Variants in RTN1 observed in about 807,000 individuals in gnomAD.
The protein encoded by RTN1 is reticulon 1.
RTN1 carries 25 observed loss-of-function variants against 65.5 expected under a neutral mutation model. That is an observed-to-expected ratio of 0.38 (90% confidence interval 0.28 to 0.53). The LOEUF is 0.53. Among genes scored for constraint, RTN1 ranks in the 20% least tolerant of loss-of-function variants. The probability of loss-of-function intolerance (pLI) is 0.79; values close to 1 mark genes in which losing one functional copy is unlikely to be tolerated. For synonymous variants in RTN1, 471 were observed against 447.6 expected, an observed-to-expected ratio of 1.05 and a Z score of -0.66; for missense variants, 983 against 1,025.4, an observed-to-expected ratio of 0.96 and a Z score of 0.57.
At chr14:59,694,440 T>A (rs1387704023) in intron 3 of RTN1, among the ~76,000 whole-genome samples, 1 of 152,086 alleles carries the variant, frequency 6.6e-6, no homozygotes, top group Non-Finnish European at 1.5e-5. Context: ...TACACACACA[T>A]GGCACTTTTT....
chr14:59,649,050 C>A (rs1253492584), intron 3 of RTN1, among the ~76,000 whole-genome samples: 4 of 152,052 alleles, frequency 2.6e-5, no homozygotes, highest in Admixed American at 2.6e-4. Context: ...GTACTGGTAC[C>A]AAAACAGATA....
intron 3 of RTN1, among the ~76,000 whole-genome samples, chr14:59,716,997 A>C (rs1001996725): frequency 0.02 from 3,102 of 151,488 alleles, 108 homozygotes; most frequent in African/African-American, 0.069. Context: ...AAAAAAAAAA[A>C]AAAAAAGAAG....
At chr14:59,866,420 A>T (rs1031603901) in intron 1 of RTN1, among the ~76,000 whole-genome samples, 3 of 152,188 alleles carry the variant, frequency 2.0e-5, no homozygotes, top group Non-Finnish European at 4.4e-5. Context: ...TGGAGAGAGG[A>T]GAGCCTATGA....
chr14:59,750,094 T>TATTATCTATAATA (rs1566713080), intron 1 of RTN1, among the ~76,000 whole-genome samples: 7 of 59,304 alleles, frequency 1.2e-4, no homozygotes, highest in African/African-American at 7.6e-4. Flanking sequence ...GACATATATA[T>TATTATCTATAATA]TATATATTAT....
chr14:59,619,805 G>A lies in RTN1; in HGVS notation c.1766-12313C>T, dbSNP rs970595902. Among the ~76,000 whole-genome samples, 20 of 152,306 alleles carry A rather than the reference G, an allele frequency of 1.3e-4. 1 individual carries two copies. Among genetic ancestry groups the A allele is most frequent in the Admixed American group, 1.1e-3 (17 of 15,306 alleles). Reference sequence around the variant, plus strand: ...TCTCAGAAGGAAGGGGTAAGCTACAGTGTGGAATGCTGTAGACATAACAAG... The same window carrying A: ...TCTCAGAAGGAAGGGGTAAGCTACAATGTGGAATGCTGTAGACATAACAAG... On this transcript the variant is annotated intron_variant, in intron 3 of 8. Transcript: ENST00000267484.
At chr14:59,800,469 C>T (rs8007528) in intron 1 of RTN1, among the ~76,000 whole-genome samples, 4 of 152,144 alleles carry the variant, frequency 2.6e-5, no homozygotes, top group Non-Finnish European at 5.9e-5. Context: ...GGCACGATCT[C>T]GGCTCACTGC....
At chr14:59,726,813 T>A (rs1436677776) in intron 3 of RTN1, 106 bp downstream of exon 3, 4 of 921,800 alleles carry the variant, frequency 4.3e-6, no homozygotes, top group African/African-American at 3.4e-5. Context: ...AACTGTTTGA[T>A]CAGCATGGGG....
chr14:59,769,971 G>A (rs777323457), intron 1 of RTN1, among the ~76,000 whole-genome samples: 67 of 152,278 alleles, frequency 4.4e-4, no homozygotes, highest in Non-Finnish European at 7.8e-4. Flanking sequence ...AGAGAACATG[G>A]AATGAGCAAA....
At chr14:59,708,270 C>T (rs567344048) in intron 3 of RTN1, among the ~76,000 whole-genome samples, 25 of 152,302 alleles carry the variant, frequency 1.6e-4, no homozygotes, top group African/African-American at 5.8e-4. Context: ...TGTGGTAAAG[C>T]GTGAAAGTCT....
chr14:59,596,948 A>G (rs1881419980), intron 8 of RTN1, among the ~76,000 whole-genome samples, 161 bp from the exon 9 acceptor site: 1 of 152,242 alleles, frequency 6.6e-6, no homozygotes, highest in African/African-American at 2.4e-5. Flanking sequence ...CTATAAAGCA[A>G]TAAGAAGGAA....
chr14:59,726,170 C>G (rs1319763947), intron 3 of RTN1, among the ~76,000 whole-genome samples: 1 of 152,200 alleles, frequency 6.6e-6, no homozygotes, highest in Non-Finnish European at 1.5e-5. Flanking sequence ...GGGGAAGAAT[C>G]TCTTGTACAC....
At chr14:59,746,821 A>C (rs1885238569) in intron 1 of RTN1, among the ~76,000 whole-genome samples, 1 of 152,148 alleles carries the variant, frequency 6.6e-6, no homozygotes, top group African/African-American at 2.4e-5. Flanking sequence ...TTAAAAAGAA[A>C]CCCTCTTTGT....
chr14:59,856,971 C>G (rs1449607362), intron 1 of RTN1, among the ~76,000 whole-genome samples: 1 of 152,144 alleles, frequency 6.6e-6, no homozygotes, highest in African/African-American at 2.4e-5. Flanking sequence ...ATAAAGCAGT[C>G]ATATGTCTTG....
chr14:59,729,729 A>G (rs1428163561), intron 2 of RTN1, among the ~76,000 whole-genome samples: 4 of 152,196 alleles, frequency 2.6e-5, no homozygotes, highest in African/African-American at 9.7e-5. Flanking sequence ...AGATTAAGCT[A>G]CTTGTCCAAG....
At chr14:59,732,598 G>A (rs1011161) in intron 2 of RTN1, among the ~76,000 whole-genome samples, 6,706 of 152,190 alleles carry the variant, frequency 0.044, 200 homozygotes, top group Middle Eastern at 0.11. Context: ...TGCAACTCTC[G>A]GATCAGGAGA....
At chr14:59,812,635 A>G (rs1886749716) in intron 1 of RTN1, among the ~76,000 whole-genome samples, 1 of 152,222 alleles carries the variant, frequency 6.6e-6, no homozygotes, top group Non-Finnish European at 1.5e-5. Flanking sequence ...CATGTTGGTC[A>G]ATTCAGCTAT....
At chr14:59,610,338 G>T in intron 3 of RTN1, 1 of 564,758 alleles carries the variant, frequency 1.8e-6, no homozygotes, top group Non-Finnish European at 3.1e-6. Flanking sequence ...CTAATAAGGA[G>T]GTTAACAAAA....
intron 3 of RTN1, among the ~76,000 whole-genome samples, chr14:59,643,734 C>T (rs1294397420): frequency 6.6e-6 from 1 of 152,114 alleles, no homozygotes; most frequent in East Asian, 1.9e-4. Context: ...CAGATTAAGT[C>T]AGAAAAGTTA....
At chr14:59,614,135 T>C (rs919704939) in intron 3 of RTN1, among the ~76,000 whole-genome samples, 2 of 152,172 alleles carry the variant, frequency 1.3e-5, no homozygotes, top group Non-Finnish European at 2.9e-5. Flanking sequence ...AATGGGCTGA[T>C]TGGCTTTGGG....
Sources: gnomAD v4.1 joint callset for allele counts (sites outside exome capture counted in the v4.1 genomes callset) on GRCh38, gnomAD v4.1.1 for gene constraint, MANE v1.5 for transcripts, NCBI Gene and HGNC (gene_info 2026-07-23, HGNC 2026-07-21) for gene names.